The following KAZN variants were observed in gnomAD, a reference collection of about 807,000 sequenced individuals.
KAZN encodes the protein kazrin, periplakin interacting protein, also known as kazrin.
Under a neutral mutation model 87.4 loss-of-function variants are expected in KAZN, and 40 were observed. That is an observed-to-expected ratio of 0.46 (90% CI 0.36 to 0.60). The LOEUF is 0.60. Among genes scored for constraint, KAZN ranks in the 20% least tolerant of loss-of-function variants. The pLI is 0.00. For missense variants in KAZN, 898 were observed against 1,073.9 expected, an observed-to-expected ratio of 0.84 and a Z score of 2.29; for synonymous variants, 466 against 458.3, an observed-to-expected ratio of 1.02 and a Z score of -0.22.
chr1:14,518,211 C>T (rs1477793655), intron 2 of KAZN, among the ~76,000 whole-genome samples: 4 of 122,050 alleles, frequency 3.3e-5, no homozygotes, highest in Admixed American at 3.1e-4. Context: ...GGCAGAGTCT[C>T]GCTGTGCCAC....
At chr1:14,824,606 TA>T (rs983286376) in intron 1 of KAZN, among the ~76,000 whole-genome samples, 1 of 152,042 alleles carries the variant, frequency 6.6e-6, no homozygotes, top group Non-Finnish European at 1.5e-5. Context: ...GAGGGTTAAG[TA>T]AAAAAAGATA....
intron 2 of KAZN, among the ~76,000 whole-genome samples, chr1:14,502,673 C>T (rs191327828): frequency 9.8e-5 from 15 of 152,310 alleles, no homozygotes; most frequent in Middle Eastern, 3.4e-3. Flanking sequence ...AAACCTCCAA[C>T]GTCTGCTGGG....
intron 1 of KAZN, among the ~76,000 whole-genome samples, chr1:13,927,042 T>A (rs562616838): frequency 3.4e-4 from 52 of 152,332 alleles, no homozygotes; most frequent in African/African-American, 1.2e-3. Context: ...ATTCTGTCAT[T>A]GTAGCGTGGC....
intron 10 of KAZN, among the ~76,000 whole-genome samples, chr1:15,100,589 C>A (rs1445980333): frequency 6.6e-6 from 1 of 152,216 alleles, no homozygotes; most frequent in African/African-American, 2.4e-5. Context: ...GGCACAGTCA[C>A]ACATTCACCG....
intron 13 of KAZN, among the ~76,000 whole-genome samples, chr1:15,107,707 C>T (rs958809509): frequency 6.6e-6 from 1 of 152,210 alleles, no homozygotes; most frequent in South Asian, 2.1e-4. Context: ...ACCCCTAGCC[C>T]CACCACCGCT....
chr1:14,679,774 G>A (rs1640459959), intron 1 of KAZN, among the ~76,000 whole-genome samples: 1 of 152,112 alleles, frequency 6.6e-6, no homozygotes, highest in Non-Finnish European at 1.5e-5. Context: ...AAGGTCACTT[G>A]GCTAGTCGGA....
chr1:14,337,388 ATAGTTT>A (rs1657344322), intron 2 of KAZN, among the ~76,000 whole-genome samples: 1 of 152,252 alleles, frequency 6.6e-6, no homozygotes, highest in South Asian at 2.1e-4. Context: ...TGACATGGCA[ATAGTTT>A]ACAAGTTTAG....
intron 1 of KAZN, among the ~76,000 whole-genome samples, chr1:13,918,506 T>A (rs1408414230): frequency 6.6e-6 from 1 of 152,244 alleles, no homozygotes; most frequent in South Asian, 2.1e-4. Context: ...ACTGTGAACA[T>A]TGTTGAAATG....
intron 2 of KAZN, among the ~76,000 whole-genome samples, chr1:14,997,705 G>C (rs188842428): frequency 6.6e-6 from 1 of 152,136 alleles, no homozygotes; most frequent in African/African-American, 2.4e-5. Context: ...CCCCCTGAGG[G>C]TGGAGGAGCA....
chr1:14,641,516 C>G (rs1348608784), intron 1 of KAZN, among the ~76,000 whole-genome samples: 1 of 152,184 alleles, frequency 6.6e-6, no homozygotes, highest in East Asian at 1.9e-4. Flanking sequence ...CCCCACCAGA[C>G]CATGCCTGCG....
At chr1:14,634,646 T>C (rs1242438790) in intron 1 of KAZN, among the ~76,000 whole-genome samples, 7 of 152,332 alleles carry the variant, frequency 4.6e-5, no homozygotes, top group African/African-American at 1.7e-4. Flanking sequence ...ATCCTGTTTA[T>C]GTGGCTCCTG....
intron 1 of KAZN, among the ~76,000 whole-genome samples, chr1:14,686,097 T>G (rs752720537): frequency 2.6e-5 from 4 of 151,832 alleles, no homozygotes; most frequent in Non-Finnish European, 5.9e-5. Context: ...TGAGACAGAG[T>G]CTCTCTCTGT....
rs144923614 is a variant in KAZN at position 14,028,597 on chromosome 1, C to A, written c.91+134841C>A. On this transcript the variant is annotated intron_variant, in intron 1 of 16. Transcript: ENST00000636203. The stretch of plus-strand genomic sequence containing the variant: ...CTATCTTTATCTTTTTTAAAAAATT[C>A]AAGATCAATACAGGTTTATCATTTC... Among the ~76,000 whole-genome samples, 10 of 152,274 alleles carry A rather than the reference C, an allele frequency of 6.6e-5. No homozygotes were observed. The East Asian group carries it at 1.9e-3, about 29-fold the overall frequency.
rs1641171107 is a variant in KAZN, at chr1:14,689,688, C to T, written c.226+90465C>T. 8.5e-5 allele frequency among the ~76,000 whole-genome samples: 13 copies of T among 152,182 alleles called. No homozygotes were observed. The South Asian group carries it at 2.7e-3, about 32-fold the overall frequency. ...GCACTACCCTGCTAGCTGCCAGAAGCGTCATGGAAACTCCTGCCCAGATGG... is the reference window on the plus strand; with the variant it reads ...GCACTACCCTGCTAGCTGCCAGAAGTGTCATGGAAACTCCTGCCCAGATGG... On this transcript the variant is annotated intron_variant, in intron 1 of 14. Transcript: ENST00000376030.
At chr1:13,995,860 T>C (rs1004237155) in intron 1 of KAZN, among the ~76,000 whole-genome samples, 2 of 152,242 alleles carry the variant, frequency 1.3e-5, no homozygotes, top group Non-Finnish European at 1.5e-5. Flanking sequence ...TTTTTTCTGC[T>C]AAGCTCACCA....
intron 2 of KAZN, among the ~76,000 whole-genome samples, chr1:14,990,231 G>A (rs923286869): frequency 6.6e-6 from 1 of 151,850 alleles, no homozygotes; most frequent in Non-Finnish European, 1.5e-5. Flanking sequence ...TTTGTTTTTT[G>A]TTTTTTTGGG....
chr1:14,713,893 T>C (rs773671622), intron 1 of KAZN, among the ~76,000 whole-genome samples: 9 of 151,472 alleles, frequency 5.9e-5, no homozygotes, highest in Non-Finnish European at 1.2e-4. Context: ...GAGATGGAGA[T>C]TGCAGTGAGC....
At chr1:14,834,826 G>C in intron 1 of KAZN, among the ~76,000 whole-genome samples, 1 of 152,234 alleles carries the variant, frequency 6.6e-6, no homozygotes, top group Non-Finnish European at 1.5e-5. Flanking sequence ...ATTAGTATTA[G>C]TATTAGTATT....
intron 1 of KAZN, among the ~76,000 whole-genome samples, chr1:14,726,714 T>A (rs955479832): frequency 2.0e-5 from 3 of 152,200 alleles, no homozygotes; most frequent in Non-Finnish European, 2.9e-5. Flanking sequence ...CTTGTAGTTC[T>A]CAAAGCAGGC....
Sources: allele counts gnomAD v4.1 joint callset (sites outside exome capture counted in the v4.1 genomes callset), GRCh38; gene constraint gnomAD v4.1.1; transcripts MANE v1.5; gene names NCBI Gene and HGNC (gene_info 2026-07-23, HGNC 2026-07-21).